The following DHX32 variants were observed in gnomAD, a reference collection of about 807,000 sequenced individuals.
DHX32 encodes the protein DEAH-box helicase 32 (putative).
A neutral mutation model predicts 70.0 loss-of-function variants in DHX32; 51 were observed. That is an observed-to-expected ratio of 0.73 (90% CI 0.58 to 0.92). DHX32 has a LOEUF of 0.92. Ranked by LOEUF, DHX32 falls within the 40% of genes least tolerant of loss-of-function variation. DHX32 has a pLI of 0.00. For synonymous variants in DHX32, 310 were observed against 315.3 expected, an observed-to-expected ratio of 0.98 and a Z score of 0.18; for missense variants, 762 against 891.8, an observed-to-expected ratio of 0.85 and a Z score of 1.85.
Position 125,857,373 on chromosome 10 carries a change from G to T in DHX32, c.849+2230C>A, listed in dbSNP as rs1027941205. On this transcript the variant is annotated intron_variant, in intron 3 of 10. Transcript: ENST00000284690. The stretch of plus-strand genomic sequence containing the variant: ...GAAGCCAGCCCAATGTCAGTGGCTG[G>T]CTTGCTGCCCCACCCACAGGGCAGG... Among the ~76,000 whole-genome samples, 4 of 152,204 alleles carry T rather than the reference G, an allele frequency of 2.6e-5. No homozygotes were observed. The East Asian group carries it at 7.7e-4, about 29-fold the overall frequency.
intron 1 of DHX32, chr10:125,890,484 G>A (rs1944363847): frequency 6.6e-6 from 1 of 152,126 alleles, no homozygotes; most frequent in Non-Finnish European, 1.5e-5. Flanking sequence ...GACTTGTAAC[G>A]AGTTGATTGC....
chr10:125,874,355 G>C (rs942801697), intron 1 of DHX32, among the ~76,000 whole-genome samples: 1 of 152,136 alleles, frequency 6.6e-6, no homozygotes, highest in South Asian at 2.1e-4. Context: ...GTACCATTTT[G>C]ATTTTTCTCA....
chr10:125,870,463 A>G (rs1040411609), intron 1 of DHX32, among the ~76,000 whole-genome samples: 1 of 152,204 alleles, frequency 6.6e-6, no homozygotes, highest in Non-Finnish European at 1.5e-5. Flanking sequence ...TTGCCACTAC[A>G]TCACAGTTGC....
Position 125,881,162 on chromosome 10 carries a change from A to ATT in DHX32, c.-340_-339dup, listed in dbSNP as rs5788717. On this transcript the variant is annotated 5_prime_UTR_variant, in exon 1 of 11. Coordinates refer to ENST00000284690, the MANE Select transcript of DHX32 (RefSeq NM_018180.3). ...CACAGGAGTTCAAATGAAAAGCATT[A>ATT]TTTTTTTTTTTTCTGTTAACGGGTT... 8.2e-4 allele frequency: 145 copies of ATT among 177,608 alleles called. No individual in the cohort carries two copies. Among genetic ancestry groups the ATT allele is most frequent in the Admixed American group, 1.8e-3 (28 of 15,784 alleles). 11.0% of individuals were successfully genotyped at this position (177,608 alleles called of 1,614,324 possible). A position where few individuals can be genotyped will look rare whatever the true frequency, so the allele number is the denominator to read the frequency against.
At chr10:125,889,211 T>C (rs4995394) in intron 1 of DHX32, among the ~76,000 whole-genome samples, 1 of 152,034 alleles carries the variant, frequency 6.6e-6, no homozygotes, top group South Asian at 2.1e-4. Flanking sequence ...CTTATTTCCT[T>C]TTGCGGGTTT....
intron 1 of DHX32, among the ~76,000 whole-genome samples, chr10:125,876,564 G>C (rs1211201130): frequency 6.6e-6 from 1 of 152,194 alleles, no homozygotes; most frequent in Admixed American, 6.5e-5. Flanking sequence ...TGTGCCTCCT[G>C]ATATGAGGCA....
intron 6 of DHX32, among the ~76,000 whole-genome samples, chr10:125,850,518 C>T (rs1290895229): frequency 6.6e-6 from 1 of 151,934 alleles, no homozygotes. Context: ...CTACCATGCC[C>T]GGCTAATTTT....
intron 4 of DHX32, chr10:125,853,293 T>A: frequency 9.4e-7 from 1 of 1,060,690 alleles, no homozygotes; most frequent in Non-Finnish European, 1.3e-6. Flanking sequence ...GGATAAAACA[T>A]CTCGGCACCT....
At chr10:125,891,262 G>C (rs1463246074) in intron 1 of DHX32, among the ~76,000 whole-genome samples, 4 of 152,204 alleles carry the variant, frequency 2.6e-5, no homozygotes, top group Admixed American at 6.5e-5. Flanking sequence ...TAAAAGCTGA[G>C]ATTTAAAGAA....
rs1421365967 is a variant in DHX32 at position 125,852,310 on chromosome 10, T to A, written c.1334A>T (p.Asp445Val). 2 of 1,614,014 alleles carry A rather than the reference T, an allele frequency of 1.2e-6. No homozygotes were observed. The highest frequency in any genetic ancestry group is 1.7e-6 in the Non-Finnish European group (2 of 1,180,020). The change falls in exon 6 of 11, where the codon GAC becomes GTC. Residue 445 changes from aspartate to valine, a missense_variant. Asp to Val is a radical substitution (Grantham distance 152). This residue lies in a region of DHX32 where 366 missense variants were observed against 402.6 expected (regional missense o/e 0.91). Transcript: ENST00000284690. Reference protein sequence around the residue: ...RIDIAGLGHCDFMNRPAPESL... With the variant: ...RIDIAGLGHCVFMNRPAPESL... ...AAGGCTACCTGGTCTGTTCATGAAG[T>A]CACAGTGGCCTAGGCCCGCAATGTC...
chr10:125,888,719 C>CTTTATTAAG (rs1343108719), intron 1 of DHX32, among the ~76,000 whole-genome samples: 27 of 150,502 alleles, frequency 1.8e-4, no homozygotes, highest in Non-Finnish European at 2.2e-4. Context: ...ATAAAGCAAA[C>CTTTATTAAG]TCTGAACTTT....
chr10:125,861,699 G>A (rs1944189919), intron 2 of DHX32, among the ~76,000 whole-genome samples: 2 of 152,198 alleles, frequency 1.3e-5, no homozygotes, highest in East Asian at 1.9e-4. Context: ...TGAAGTGCAC[G>A]GTTTGTGACT....
At chr10:125,881,427 A>G (rs1944316904), upstream of DHX32, 1 of 152,314 alleles carries the variant, frequency 6.6e-6, no homozygotes, top group Non-Finnish European at 1.5e-5. Context: ...TCCCATGTCA[A>G]AAGAGGAGCT....
At chr10:125,875,232 C>T (rs182254656) in intron 1 of DHX32, among the ~76,000 whole-genome samples, 1 of 151,860 alleles carries the variant, frequency 6.6e-6, no homozygotes, top group East Asian at 1.9e-4. Flanking sequence ...AAAAAAATTG[C>T]AATGATAAAC....
intron 3 of DHX32, among the ~76,000 whole-genome samples, chr10:125,855,739 C>T (rs1024674386): frequency 3.9e-5 from 6 of 152,124 alleles, no homozygotes; most frequent in South Asian, 2.1e-4. Flanking sequence ...CGTAAGCCAC[C>T]GCACCTGGCC....
chr10:125,881,648 T>TTA (rs1383522716), upstream of DHX32, among the ~76,000 whole-genome samples: 6 of 152,244 alleles, frequency 3.9e-5, no homozygotes, highest in Non-Finnish European at 7.4e-5. Context: ...GGCTTTTATT[T>TTA]TATATATATA....
In DHX32 at chr10:125,854,046, A is replaced by G. The variant is rs762747306; in HGVS notation, c.1007T>C (p.Val336Ala). The G allele has an allele frequency of 2.5e-6, 4 of 1,613,754 alleles. No individual in the cohort carries two copies. Among genetic ancestry groups the G allele is most frequent in the Admixed American group, 1.7e-5 (1 of 59,980 alleles). The change falls in exon 4 of 11, where the codon GTG (valine) becomes GCG (alanine). Residue 336 changes from valine to alanine, a missense_variant. Val to Ala is a moderately conservative substitution (Grantham distance 64, BLOSUM62 0). Coordinates refer to ENST00000284690, the MANE Select transcript of DHX32 (RefSeq NM_018180.3). The part of the protein sequence containing the change: ...EKRCQVYQRR[V>A]VLTTSSGEFL... ...CTCTCCAGAGCTAGTAGTTAACACC[A>G]CTCTTCTTTGATAAACTTGGCATCT...
At chr10:125,878,235 A>G (rs1327606867) in intron 1 of DHX32, among the ~76,000 whole-genome samples, 1 of 152,216 alleles carries the variant, frequency 6.6e-6, no homozygotes, top group Non-Finnish European at 1.5e-5. Context: ...AAGTGTAGAC[A>G]TAGGAGTAGC....
chr10:125,854,280 A>G, intron 3 of DHX32, 77 bp from the exon 4 acceptor site: 1 of 1,440,824 alleles, frequency 6.9e-7, no homozygotes. Context: ...GAATTACAAA[A>G]AATTTTAGGC....
Sources: gnomAD v4.1 joint callset for allele counts (sites outside exome capture counted in the v4.1 genomes callset) on GRCh38, gnomAD v4.1.1 for gene constraint, gnomAD v4.1.1 regional missense constraint, MANE v1.5 for transcripts, NCBI Gene and HGNC (gene_info 2026-07-23, HGNC 2026-07-21) for gene names.